The following GLCE variants were observed in gnomAD, a reference collection of about 807,000 sequenced individuals.
GLCE encodes the protein glucuronic acid epimerase.
A neutral mutation model predicts 47.9 loss-of-function variants in GLCE; 19 were observed. That is an observed-to-expected ratio of 0.40 (90% CI 0.28 to 0.58). The LOEUF (loss-of-function observed/expected upper bound fraction) is 0.58. GLCE is among the 20% of genes least tolerant of loss of function. The probability of loss-of-function intolerance (pLI) is 0.48; values close to 1 mark genes in which losing one functional copy is unlikely to be tolerated. For synonymous variants in GLCE, 245 were observed against 263.4 expected, an observed-to-expected ratio of 0.93 and a Z score of 0.68; for missense variants, 556 against 743.3, an observed-to-expected ratio of 0.75 and a Z score of 2.93.
intron 1 of GLCE, among the ~76,000 whole-genome samples, chr15:69,184,566 C>T (rs1027643583): frequency 6.6e-6 from 1 of 152,200 alleles, no homozygotes; most frequent in Admixed American, 6.5e-5. Context: ...TGTATTATAT[C>T]ACTAATATGT....
intron 1 of GLCE, among the ~76,000 whole-genome samples, chr15:69,174,413 C>A (rs1185032708): frequency 4.6e-5 from 2 of 43,154 alleles, no homozygotes; most frequent in Non-Finnish European, 2.4e-4. Context: ...AGTTTGAGAC[C>A]AACCTGGCCT....
chr15:69,241,041 A>G (rs2052664495), intron 2 of GLCE, among the ~76,000 whole-genome samples: 1 of 152,356 alleles, frequency 6.6e-6, no homozygotes, highest in African/African-American at 2.4e-5. Flanking sequence ...GAAACTTTGT[A>G]CTTTCTCTTG....
chr15:69,241,484 T>G (rs1237908311), intron 2 of GLCE, among the ~76,000 whole-genome samples: 4 of 152,184 alleles, frequency 2.6e-5, no homozygotes, highest in Non-Finnish European at 5.9e-5. Flanking sequence ...GCTTTGTAAA[T>G]TGATTCAAGA....
chr15:69,264,364 G>A (rs1048954167), intron 4 of GLCE, among the ~76,000 whole-genome samples: 34 of 151,936 alleles, frequency 2.2e-4, no homozygotes, highest in African/African-American at 8.2e-4. Flanking sequence ...CTATAGGTAT[G>A]TGTGTGTGTA....
At chr15:69,225,370 C>T (rs1244294849) in intron 2 of GLCE, among the ~76,000 whole-genome samples, 1 of 152,080 alleles carries the variant, frequency 6.6e-6, no homozygotes, top group Non-Finnish European at 1.5e-5. Context: ...GACTTATATT[C>T]TGTACCACAG....
Position 69,226,458 on chromosome 15 carries a change from A to T in GLCE, c.-14+16052A>T, listed in dbSNP as rs2052448790. The stretch of plus-strand genomic sequence containing the variant: ...TAGAAGATAGCAAAATCTGAGAAAT[A>T]TTATAGTCAATTAGTCACTCCTAAA... On this transcript the variant is annotated intron_variant, in intron 2 of 4. Coordinates refer to ENST00000261858, the MANE Select transcript of GLCE (RefSeq NM_015554.3). Among the ~76,000 whole-genome samples the T allele has an allele frequency of 2.0e-5, 3 of 152,188 alleles. No homozygotes were observed. In the South Asian group the frequency reaches 6.2e-4, roughly 32 times the overall value.
intron 1 of GLCE, among the ~76,000 whole-genome samples, chr15:69,166,793 G>A (rs557960545): frequency 2.0e-5 from 3 of 146,952 alleles, no homozygotes; most frequent in South Asian, 4.4e-4. Context: ...GGTGGCACAC[G>A]CCTGTAATCC....
chr15:69,165,865 A>C (rs1039807436), intron 1 of GLCE, among the ~76,000 whole-genome samples: 3 of 152,170 alleles, frequency 2.0e-5, no homozygotes, highest in Admixed American at 6.5e-5. Context: ...TTTTCCTAAA[A>C]TTTGGGAGTT....
chr15:69,229,729 A>G (rs2052495672), intron 2 of GLCE, among the ~76,000 whole-genome samples: 1 of 152,140 alleles, frequency 6.6e-6, no homozygotes. Flanking sequence ...AAAAAATGAC[A>G]AAGATGAGAC....
intron 2 of GLCE, among the ~76,000 whole-genome samples, chr15:69,243,527 A>G (rs1257891566): frequency 6.6e-6 from 1 of 150,944 alleles, no homozygotes; most frequent in African/African-American, 2.4e-5. Flanking sequence ...TGAGCCCAGG[A>G]GTTCAAGACC....
At chr15:69,212,736 A>G (rs1179791410) in intron 2 of GLCE, among the ~76,000 whole-genome samples, 5 of 152,014 alleles carry the variant, frequency 3.3e-5, no homozygotes, top group African/African-American at 1.2e-4. Flanking sequence ...AGCTATTTGC[A>G]ATGTTGAATT....
intron 4 of GLCE, among the ~76,000 whole-genome samples, chr15:69,262,129 C>G (rs1053679737): frequency 6.6e-6 from 1 of 152,192 alleles, no homozygotes; most frequent in African/African-American, 2.4e-5. Flanking sequence ...CTTCTGTATT[C>G]TCTCCTTGTT....
At chr15:69,264,661 G>A (rs1404985764) in intron 4 of GLCE, among the ~76,000 whole-genome samples, 3 of 152,020 alleles carry the variant, frequency 2.0e-5, no homozygotes, top group African/African-American at 7.2e-5. Context: ...CCCAAAGTGC[G>A]CAAGGGTTTC....
intron 1 of GLCE, among the ~76,000 whole-genome samples, chr15:69,192,890 A>G (rs1457413979): frequency 6.6e-5 from 10 of 152,084 alleles, no homozygotes; most frequent in Non-Finnish European, 8.8e-5. Context: ...TTTTGTGAGC[A>G]CTGACAGTTG....
chr15:69,187,675 TAAGGAATAGAAGCCTATATAA>T (rs2051844289), intron 1 of GLCE, among the ~76,000 whole-genome samples: 1 of 152,194 alleles, frequency 6.6e-6, no homozygotes, highest in Non-Finnish European at 1.5e-5. Context: ...TGTACTACAT[TAAGGAATAGAAGCCTATATAA>T]AAGGTTTTCG....
chr15:69,220,664 A>G (rs565771499), intron 2 of GLCE, among the ~76,000 whole-genome samples: 1 of 152,266 alleles, frequency 6.6e-6, no homozygotes, highest in South Asian at 2.1e-4. Flanking sequence ...AAAGTTATCT[A>G]TATATTCTGG....
Position 69,271,280 on chromosome 15 carries a change from A to C in GLCE, c.*2036A>C, listed in dbSNP as rs911724512. The C allele has an allele frequency of 2.6e-5, 4 of 152,660 alleles. No homozygotes were observed. The highest frequency in any genetic ancestry group is 5.9e-5 in the Non-Finnish European group (4 of 68,042). 9.5% of individuals were successfully genotyped at this position (152,660 alleles called of 1,614,324 possible). A position where few individuals can be genotyped will look rare whatever the true frequency, so the allele number is the denominator to read the frequency against. On this transcript the variant is annotated 3_prime_UTR_variant, in exon 5 of 5. Coordinates refer to ENST00000261858, the MANE Select transcript of GLCE (RefSeq NM_015554.3). ...TTTCTTGTGATCCCAGAATTTTCTA[A>C]GAGGATGAGTTGAATCTATAGCAGC...
chr15:69,232,643 T>C (rs892511078), intron 2 of GLCE, among the ~76,000 whole-genome samples: 1 of 152,192 alleles, frequency 6.6e-6, no homozygotes, highest in Non-Finnish European at 1.5e-5. Flanking sequence ...ACCATTATAC[T>C]TCCTAAACTA....
rs192197047 is a variant in GLCE at position 69,173,680 on chromosome 15, A to G, written c.-105+12923A>G. 1.1e-4 allele frequency among the ~76,000 whole-genome samples: 16 copies of G among 152,262 alleles called. 1 individual carries two copies. In the East Asian group the frequency reaches 3.1e-3, roughly 29 times the overall value. Reference sequence around the variant, plus strand: ...CAAGCGATCCTTTAAGGACTTTTCCAATTTAAAAATTTTTAAAAATTTTCT... The same window carrying G: ...CAAGCGATCCTTTAAGGACTTTTCCGATTTAAAAATTTTTAAAAATTTTCT... On this transcript the variant is annotated intron_variant, in intron 1 of 4. Coordinates refer to ENST00000261858, the MANE Select transcript of GLCE (RefSeq NM_015554.3).
Sources: allele counts gnomAD v4.1 joint callset (sites outside exome capture counted in the v4.1 genomes callset), GRCh38; gene constraint gnomAD v4.1.1; transcripts MANE v1.5; gene names NCBI Gene and HGNC (gene_info 2026-07-23, HGNC 2026-07-21).